The following C16orf74 variants were observed in gnomAD, a reference collection of about 807,000 sequenced individuals.
C16orf74 encodes the protein calcimembrin.
C16orf74 carries 10 observed loss-of-function variants against 6.5 expected under a neutral mutation model. The ratio of observed to expected loss-of-function variants is 1.54; its 90% CI spans 0.95 to 2.61. The LOEUF (loss-of-function observed/expected upper bound fraction) is 2.61. Among genes scored for constraint, C16orf74 ranks in the 30% most tolerant of loss-of-function variants. The pLI, the probability that C16orf74 is intolerant of heterozygous loss-of-function variation, is 0.00. For synonymous variants in C16orf74, 60 were observed against 42.5 expected, an observed-to-expected ratio of 1.41 and a Z score of -1.60; for missense variants, 141 against 105.9, an observed-to-expected ratio of 1.33 and a Z score of -1.45.
intron 3 of C16orf74, 101 bp from the exon 4 acceptor site, chr16:85,708,167 G>T: frequency 1.0e-6 from 1 of 971,748 alleles, no homozygotes. Context: ...GGGATTCCTT[G>T]CTTTCTGGTG....
chr16:85,708,660 T>G (rs146435217), intron 3 of C16orf74, among the ~76,000 whole-genome samples: 184 of 152,324 alleles, frequency 1.2e-3, no homozygotes, highest in African/African-American at 3.8e-3. Flanking sequence ...TGCCAGGCAC[T>G]TGGAAAGGTC....
intron 3 of C16orf74, among the ~76,000 whole-genome samples, chr16:85,708,506 G>A (rs1056272256): frequency 6.6e-6 from 1 of 152,220 alleles, no homozygotes; most frequent in African/African-American, 2.4e-5. Context: ...CACTGCAGCA[G>A]GAGCCCAGCT....
At chr16:85,712,395 A>C (rs1392756328) in intron 2 of C16orf74, among the ~76,000 whole-genome samples, 1 of 152,228 alleles carries the variant, frequency 6.6e-6, no homozygotes, top group African/African-American at 2.4e-5. Context: ...ACAGTCAGCA[A>C]ATCTTTCCCT....
chr16:85,723,459 T>C (rs892023726), intron 2 of C16orf74, among the ~76,000 whole-genome samples: 3 of 151,788 alleles, frequency 2.0e-5, no homozygotes, highest in South Asian at 4.2e-4. Flanking sequence ...AGCATGAACT[T>C]CTCCTGAGGT....
In C16orf74 at chr16:85,735,241, G is replaced by A; in HGVS notation, c.-18-6C>T. On this transcript the variant is annotated splice_region_variant and splice_polypyrimidine_tract_variant and intron_variant, in intron 1 of 3. Coordinates refer to ENST00000284245, the MANE Select transcript of C16orf74 (RefSeq NM_206967.3). ...ATGTCGGCACCTCTGCAGGCCTGTG[G>A]AGAGAGGACAGCGCTGAGAGAGGGG... The A allele has an allele frequency of 6.3e-7, 1 of 1,577,702 alleles. No individual in the cohort carries two copies. The highest frequency in any genetic ancestry group is 8.6e-7 in the Non-Finnish European group (1 of 1,162,238).
At chr16:85,729,283 C>T (rs536007145) in intron 2 of C16orf74, among the ~76,000 whole-genome samples, 5 of 152,328 alleles carry the variant, frequency 3.3e-5, no homozygotes, top group Admixed American at 1.3e-4. Context: ...ACGTGCCAAC[C>T]CTTATAGGGT....
chr16:85,710,602 G>A (rs907692390), intron 2 of C16orf74: 6 of 365,364 alleles, frequency 1.6e-5, no homozygotes, highest in African/African-American at 1.3e-4. Flanking sequence ...ATGTGGCCCA[G>A]CCAGCTGCAG....
chr16:85,715,625 GACA>G (rs1352106564), intron 2 of C16orf74, among the ~76,000 whole-genome samples: 5 of 152,240 alleles, frequency 3.3e-5, no homozygotes, highest in Non-Finnish European at 7.3e-5. Flanking sequence ...AGCAGCCGTA[GACA>G]ACGTGGAAAT....
intron 2 of C16orf74, among the ~76,000 whole-genome samples, chr16:85,723,697 G>A (rs528448413): frequency 3.3e-5 from 5 of 152,364 alleles, no homozygotes; most frequent in African/African-American, 1.2e-4. Flanking sequence ...TCCTGCTTGG[G>A]CAAGGCAGGC....
intron 2 of C16orf74, among the ~76,000 whole-genome samples, chr16:85,711,123 G>A (rs968605324): frequency 6.6e-6 from 1 of 151,994 alleles, no homozygotes; most frequent in Non-Finnish European, 1.5e-5. Flanking sequence ...AGACCAGCCT[G>A]GCCAACATGG....
chr16:85,718,418 G>T (rs1196593911), intron 2 of C16orf74, among the ~76,000 whole-genome samples: 1 of 152,178 alleles, frequency 6.6e-6, no homozygotes, highest in Non-Finnish European at 1.5e-5. Context: ...TTCACTTGGA[G>T]GCCCTGAATG....
At chr16:85,744,880 G>C (rs1351304884) in intron 1 of C16orf74, among the ~76,000 whole-genome samples, 1 of 147,138 alleles carries the variant, frequency 6.8e-6, no homozygotes, top group Non-Finnish European at 1.5e-5. Context: ...AGTGGTTTAC[G>C]CCTGTAATAC....
intron 2 of C16orf74, among the ~76,000 whole-genome samples, chr16:85,712,356 A>G (rs1032679900): frequency 1.3e-5 from 2 of 152,244 alleles, no homozygotes; most frequent in Non-Finnish European, 2.9e-5. Context: ...AAGTTTTGGC[A>G]TAGTTTGTTA....
chr16:85,717,139 C>T (rs2054033495), intron 2 of C16orf74, among the ~76,000 whole-genome samples: 1 of 152,236 alleles, frequency 6.6e-6, no homozygotes, highest in Non-Finnish European at 1.5e-5. Context: ...CAGAGCCACG[C>T]AGACCAGACC....
At chr16:85,750,532 G>C (rs2054425647) in intron 1 of C16orf74, among the ~76,000 whole-genome samples, 2 of 152,054 alleles carry the variant, frequency 1.3e-5, no homozygotes, top group Non-Finnish European at 1.5e-5. Flanking sequence ...ATGGTTCCTC[G>C]GGAGGCCTCC....
At chr16:85,735,433 G>A (rs1329083564) in intron 1 of C16orf74, among the ~76,000 whole-genome samples, 198 bp from the exon 2 acceptor site, 1 of 152,160 alleles carries the variant, frequency 6.6e-6, no homozygotes, top group Non-Finnish European at 1.5e-5. Flanking sequence ...CTGTGACGGT[G>A]GAAAAAACTT....
intron 2 of C16orf74, among the ~76,000 whole-genome samples, chr16:85,720,195 A>G (rs146939275): frequency 6.6e-6 from 1 of 152,200 alleles, no homozygotes; most frequent in Non-Finnish European, 1.5e-5. Context: ...CTTTTTAATT[A>G]AGGAAAAAGC....
intron 2 of C16orf74, among the ~76,000 whole-genome samples, chr16:85,719,248 T>G (rs548098633): frequency 2.0e-5 from 3 of 152,224 alleles, no homozygotes; most frequent in East Asian, 3.9e-4. Flanking sequence ...CTGCAGACAC[T>G]GCTGCGGAAA....
chr16:85,728,039 G>A (rs917346298), intron 2 of C16orf74, among the ~76,000 whole-genome samples: 7 of 151,694 alleles, frequency 4.6e-5, no homozygotes, highest in African/African-American at 1.7e-4. Flanking sequence ...TTGGGAGGCT[G>A]AGGCAGGAGA....
Sources: allele counts gnomAD v4.1 joint callset (sites outside exome capture counted in the v4.1 genomes callset), GRCh38; gene constraint gnomAD v4.1.1; transcripts MANE v1.5; gene names NCBI Gene and HGNC (gene_info 2026-07-23, HGNC 2026-07-21).